ITGAL: variants seen among roughly 807,000 people sequenced by gnomAD.
The protein encoded by ITGAL is integrin subunit alpha L, also known as integrin alpha-L.
Under a neutral mutation model 138.4 loss-of-function variants are expected in ITGAL, and 68 were observed. That is an observed-to-expected ratio of 0.49 (90% confidence interval 0.40 to 0.60). ITGAL has a LOEUF of 0.60. ITGAL is among the 20% of genes least tolerant of loss of function. The pLI is 0.00. For missense variants in ITGAL, 1,256 were observed against 1,478.6 expected (o/e 0.85, Z 2.47); for synonymous variants, 561 against 584.3 (o/e 0.96, Z 0.57).
rs2051007277 is a variant in ITGAL, at chr16:30,506,841, G to A, written c.2493G>A (p.Lys831=). 5 of 1,613,968 alleles carry A rather than the reference G, an allele frequency of 3.1e-6. No individual in the cohort carries two copies. The East Asian group carries it at 1.1e-4, about 36-fold the overall frequency. ...TCCCCCCGGGACTCTCCTTCCGCAA[G>A]GTGGAGATGCTGAAGGTGGGTGAGA... The part of the protein sequence containing the change: ...LHFPPGLSFR[K]VEMLKPHSQI... Residue 831 remains lysine, a synonymous_variant, in exon 21 of 31, where the codon AAG becomes AAA. Transcript: ENST00000356798.
chr16:30,496,767 G>C (rs942442201), intron 15 of ITGAL, among the ~76,000 whole-genome samples: 1 of 151,368 alleles, frequency 6.6e-6, no homozygotes, highest in African/African-American at 2.4e-5. Flanking sequence ...TCAGCCTCTC[G>C]GGTAGCTGAG....
chr16:30,482,990 C>T (rs1232081646), intron 7 of ITGAL: 1 of 152,180 alleles, frequency 6.6e-6, no homozygotes, highest in Non-Finnish European at 1.5e-5. Context: ...CCATGCCTGG[C>T]TAATTGTTTT....
intron 4 of ITGAL, among the ~76,000 whole-genome samples, chr16:30,476,260 AAAAG>A (rs1422931063): frequency 6.6e-6 from 1 of 152,094 alleles, no homozygotes; most frequent in Non-Finnish European, 1.5e-5. Flanking sequence ...CAAAAAAAAA[AAAAG>A]AATCTTCCTG....
At chr16:30,518,986 G>A (rs1040977310) in intron 29 of ITGAL, among the ~76,000 whole-genome samples, 1 of 152,180 alleles carries the variant, frequency 6.6e-6, no homozygotes, top group Non-Finnish European at 1.5e-5. Context: ...CACTTTGGGA[G>A]GTCAAGGTAG....
intron 19 of ITGAL, 28 bp downstream of exon 19, chr16:30,505,328 A>G (rs1167055977): frequency 5.6e-6 from 9 of 1,612,950 alleles, no homozygotes; most frequent in Non-Finnish European, 7.6e-6. Context: ...GCAGGCAGAG[A>G]GGCCTGGGAA....
chr16:30,497,300 G>A (rs1321551519), intron 15 of ITGAL, among the ~76,000 whole-genome samples: 8 of 150,872 alleles, frequency 5.3e-5, no homozygotes, highest in South Asian at 2.1e-4. Context: ...CCGAGATCGC[G>A]CCCCTGCACT....
chr16:30,478,672 A>G (rs1293762744), intron 4 of ITGAL, among the ~76,000 whole-genome samples: 7 of 139,138 alleles, frequency 5.0e-5, no homozygotes, highest in Admixed American at 2.2e-4. Flanking sequence ...AGTCCAGCCT[A>G]GGCGATAGAG....
At chr16:30,486,688 G>T (rs749570965) in intron 9 of ITGAL, among the ~76,000 whole-genome samples, 4 of 152,100 alleles carry the variant, frequency 2.6e-5, no homozygotes, top group South Asian at 2.1e-4. Context: ...TGACCGAAGC[G>T]CAGTGAGGAA....
At chr16:30,514,930 T>A (rs1319418876) in intron 25 of ITGAL, among the ~76,000 whole-genome samples, 2 of 151,400 alleles carry the variant, frequency 1.3e-5, no homozygotes, top group Non-Finnish European at 2.9e-5. Flanking sequence ...ATTCAAGCAA[T>A]TCTCCTGCTT....
At chr16:30,493,384 C>T (rs2050753420) in intron 11 of ITGAL, among the ~76,000 whole-genome samples, 2 of 151,856 alleles carry the variant, frequency 1.3e-5, no homozygotes, top group African/African-American at 4.8e-5. Context: ...GGTTCACATT[C>T]TCCTGTCTCA....
chr16:30,521,361 C>T (rs1042102212), intron 30 of ITGAL, 131 bp from the exon 31 acceptor site: 19 of 688,302 alleles, frequency 2.8e-5, no homozygotes, highest in Non-Finnish European at 4.5e-5. Flanking sequence ...GAGCCGAGAT[C>T]GCACCACTGC....
chr16:30,482,069 A>G (rs2050569695), intron 7 of ITGAL, among the ~76,000 whole-genome samples: 1 of 151,366 alleles, frequency 6.6e-6, no homozygotes, highest in Admixed American at 6.6e-5. Flanking sequence ...TTTTTTTTGT[A>G]TTTTTAGTAG....
At chr16:30,486,434 A>G (rs1467495096) in intron 9 of ITGAL, among the ~76,000 whole-genome samples, 1 of 151,610 alleles carries the variant, frequency 6.6e-6, no homozygotes, top group Non-Finnish European at 1.5e-5. Flanking sequence ...ATCAGCAGCA[A>G]TGGTCCAGCC....
At chr16:30,518,166 G>A (rs1425327089) in intron 28 of ITGAL, among the ~76,000 whole-genome samples, 9 of 152,140 alleles carry the variant, frequency 5.9e-5, no homozygotes, top group East Asian at 1.9e-4. Context: ...TGCCACAGTA[G>A]AGGCTGGGGC....
intron 25 of ITGAL, 39 bp downstream of exon 25, chr16:30,513,885 A>G: frequency 2.1e-6 from 3 of 1,454,000 alleles, no homozygotes; most frequent in Non-Finnish European, 2.9e-6. Context: ...TAGGTCACAC[A>G]TTCATTCTTT....
chr16:30,521,419 A>G, intron 30 of ITGAL, 73 bp from the exon 31 acceptor site: 2 of 1,376,668 alleles, frequency 1.5e-6, no homozygotes, highest in Non-Finnish European at 1.0e-6. Context: ...AAAAAAAAAA[A>G]GTGTTCTCAC....
In ITGAL at chr16:30,475,313, G is replaced by A. The variant is rs769585343; in HGVS notation, c.172G>A (p.Val58Met). The change falls in exon 3 of 31, where the codon GTG (valine) becomes ATG (methionine). Residue 58 changes from valine to methionine, a missense_variant. Around this residue, in one of 3 missense-constraint regions of ITGAL, gnomAD observed 212 missense variants for 217.4 expected, o/e 0.98. Coordinates refer to ENST00000356798, the MANE Select transcript of ITGAL (RefSeq NM_002209.3). ...GGTGAGATTTCTCACCAGGGTCATC[G>A]TGGGAGCTCCAGGGGAGGGGAACAG... is the stretch of plus-strand genomic sequence containing the variant. ...RVLQVGNGVI[V>M]GAPGEGNSTG... is the part of the protein sequence containing the mutation. 6.2e-6 allele frequency: 10 copies of A among 1,613,018 alleles called. No individual in the cohort carries two copies. The highest frequency in any genetic ancestry group is 3.3e-5 in the Admixed American group (2 of 59,914).
intron 17 of ITGAL, among the ~76,000 whole-genome samples, chr16:30,499,733 A>ATACGTATATATATATATATATATTTTTT: frequency 1.2e-4 from 11 of 88,388 alleles, no homozygotes; most frequent in African/African-American, 6.6e-4. Flanking sequence ...ATATATATAT[A>ATACGTATATATATATATATATATTTTTT]TTTTTTTTTT....
intron 29 of ITGAL, 83 bp downstream of exon 29, chr16:30,518,802 C>A: frequency 2.0e-6 from 2 of 1,012,272 alleles, no homozygotes; most frequent in Non-Finnish European, 3.1e-6. Context: ...TGTGGGAGAG[C>A]TCCTGGGCTC....
Sources: allele counts gnomAD v4.1 joint callset (sites outside exome capture counted in the v4.1 genomes callset), GRCh38; gene constraint gnomAD v4.1.1; regional missense constraint gnomAD v4.1.1; transcripts MANE v1.5; gene names NCBI Gene and HGNC (gene_info 2026-07-23, HGNC 2026-07-21).